SEPTIN9: variants seen among roughly 807,000 people sequenced by gnomAD.
The protein encoded by SEPTIN9 is septin 9.
A neutral mutation model predicts 56.6 loss-of-function variants in SEPTIN9; 13 were observed. That is an observed-to-expected ratio of 0.23 (90% CI 0.15 to 0.37). The LOEUF (loss-of-function observed/expected upper bound fraction) is 0.37. Ranked by LOEUF, SEPTIN9 falls within the 10% of genes least tolerant of loss-of-function variation. The pLI, the probability that SEPTIN9 is intolerant of heterozygous loss-of-function variation, is 1.00. For missense variants in SEPTIN9, 650 were observed against 823.1 expected (o/e 0.79, Z 2.57); for synonymous variants, 332 against 334.1 (o/e 0.99, Z 0.07).
rs1372142072 is a variant in SEPTIN9, at chr17:77,451,538, G to C, written c.722-30606G>C. 18 of 985,554 alleles carry C rather than the reference G, an allele frequency of 1.8e-5. No homozygotes were observed. Among genetic ancestry groups the C allele is most frequent in the Non-Finnish European group, 2.0e-5 (17 of 830,128 alleles). The allele number at this position is 985,554 out of a possible 1,614,324, so 61.1% of individuals were successfully genotyped here. On this transcript the variant is annotated intron_variant, in intron 3 of 11. Coordinates refer to ENST00000427177, the MANE Select transcript of SEPTIN9 (RefSeq NM_001113491.2). The surrounding 1 kb of genome is among the most constrained non-coding windows in gnomAD (Gnocchi z 4.2). ...ACGTTCCGCTGCTGGGGTGAGTCCT[G>C]CTCCTTTGTTCTTCCCAGCCTTGCA... is the stretch of plus-strand genomic sequence containing the variant.
Position 77,370,613 on chromosome 17 carries a change from CTTTT to C in SEPTIN9, c.77-31445_77-31442del, listed in dbSNP as rs771836505. ...CCAGGCCTGCAGTCGGTCTTGCCTT[CTTTT>C]GTGACCGTGGAAGAATGCACCTTGC... On this transcript the variant is annotated intron_variant, in intron 2 of 11. Transcript: ENST00000427177. Among the ~76,000 whole-genome samples, 5 of 152,350 alleles carry C rather than the reference CTTTT, an allele frequency of 3.3e-5. No individual in the cohort carries two copies. In the East Asian group the frequency reaches 9.6e-4, roughly 29 times the overall value.
chr17:77,308,921 G>T (rs868683260), intron 2 of SEPTIN9, among the ~76,000 whole-genome samples: 5 of 152,264 alleles, frequency 3.3e-5, no homozygotes, highest in African/African-American at 1.2e-4. Flanking sequence ...GAAGAGGGGG[G>T]TGATGCTCTG....
intron 2 of SEPTIN9, among the ~76,000 whole-genome samples, chr17:77,311,923 C>G (rs912717710): frequency 3.3e-5 from 5 of 152,008 alleles, no homozygotes; most frequent in Admixed American, 2.6e-4. Flanking sequence ...CCATAGCTAC[C>G]CACTCTTCCT....
chr17:77,298,551 C>G (rs901565270), intron 1 of SEPTIN9, among the ~76,000 whole-genome samples: 1 of 152,272 alleles, frequency 6.6e-6, no homozygotes, highest in Middle Eastern at 3.4e-3. Flanking sequence ...ATGGGAAAAC[C>G]CTACATGGGA....
At position 77,445,525 on chromosome 17, in the gene SEPTIN9, CGTGT is replaced by C. The variant is rs139208809; in HGVS notation, c.722-36607_722-36604del. 14 of 403,544 alleles carry C rather than the reference CGTGT, an allele frequency of 3.5e-5. No homozygotes were observed. The highest frequency in any genetic ancestry group is 3.6e-4 in the Middle Eastern group (1 of 2,772). 25.0% of individuals were successfully genotyped at this position (403,544 alleles called of 1,614,324 possible). On this transcript the variant is annotated intron_variant, in intron 3 of 11. Coordinates refer to ENST00000427177, the MANE Select transcript of SEPTIN9 (RefSeq NM_001113491.2). This position sits in a 1 kb window ranked among gnomAD's most constrained non-coding sequence, Gnocchi z 4.7. ...GGGGGTTGGTGCATGTGTGCACGCA[CGTGT>C]GTGTGTGTGTGCGTGCGTGCTGGGT...
At chr17:77,384,794 G>A (rs139718957) in intron 2 of SEPTIN9, among the ~76,000 whole-genome samples, 18 of 151,482 alleles carry the variant, frequency 1.2e-4, no homozygotes, top group African/African-American at 4.1e-4. Flanking sequence ...GCCACATGGC[G>A]CCACATGGAG....
chr17:77,478,313 A>C (rs2039307171), intron 3 of SEPTIN9, among the ~76,000 whole-genome samples: 1 of 152,254 alleles, frequency 6.6e-6, no homozygotes, highest in South Asian at 2.1e-4. Context: ...TTGTGAACAC[A>C]CTGTGGCAAT....
chr17:77,320,398 C>T (rs572965032), intron 2 of SEPTIN9: 27 of 1,522,892 alleles, frequency 1.8e-5, no homozygotes, highest in East Asian at 1.1e-4. Flanking sequence ...GCCCTGGACT[C>T]GGGGCTTTAT....
intron 2 of SEPTIN9, among the ~76,000 whole-genome samples, chr17:77,364,322 TTTTA>T (rs1299454441): frequency 6.6e-6 from 1 of 152,144 alleles, no homozygotes. Context: ...GTGCATGCAT[TTTTA>T]TTTATTTTTT....
At chr17:77,464,225 TG>T (rs973706951) in intron 3 of SEPTIN9, among the ~76,000 whole-genome samples, 3 of 152,048 alleles carry the variant, frequency 2.0e-5, no homozygotes, top group African/African-American at 7.2e-5. Context: ...ACAAGGTGCC[TG>T]CCACCACACG....
intron 1 of SEPTIN9, among the ~76,000 whole-genome samples, chr17:77,285,120 C>G (rs1307753337): frequency 6.6e-6 from 1 of 152,162 alleles, no homozygotes; most frequent in Non-Finnish European, 1.5e-5. Flanking sequence ...ATGATCTTCC[C>G]TTACTGTGGT....
intron 3 of SEPTIN9, among the ~76,000 whole-genome samples, chr17:77,460,841 A>C (rs1255989871): frequency 6.6e-6 from 1 of 152,182 alleles, no homozygotes; most frequent in Non-Finnish European, 1.5e-5. Context: ...CCTTCTGCCC[A>C]GAGACCTTGG....
intron 3 of SEPTIN9, among the ~76,000 whole-genome samples, chr17:77,461,684 T>C (rs977062055): frequency 1.3e-5 from 2 of 152,242 alleles, no homozygotes; most frequent in Non-Finnish European, 1.5e-5. Context: ...ATTAGGGTCA[T>C]CCAGAGAAAC....
At position 77,402,203 on chromosome 17, in the gene SEPTIN9, C is replaced by G; in HGVS notation, c.221C>G (p.Ser74Trp). 6.2e-7 allele frequency: 1 copy of G among 1,613,670 alleles called. No homozygotes were observed. The highest frequency in any genetic ancestry group is 8.5e-7 in the Non-Finnish European group (1 of 1,179,878). ...QDLGVKNSEP[S>W]ARHVDSLSQR... Reference sequence around the variant, plus strand: ...CTGGGCGTGAAGAACTCAGAACCCTCGGCCCGCCATGTGGACTCCCTAAGC... The same window carrying G: ...CTGGGCGTGAAGAACTCAGAACCCTGGGCCCGCCATGTGGACTCCCTAAGC... The change falls in exon 3 of 12, where the codon TCG becomes TGG. Residue 74 changes from serine (S) to tryptophan (W), a missense_variant. By Grantham distance (177) the Ser-to-Trp change is radical. This residue lies in a region of SEPTIN9 where 317 missense variants were observed against 329.1 expected (regional missense o/e 0.96). Coordinates refer to ENST00000427177, the MANE Select transcript of SEPTIN9 (RefSeq NM_001113491.2). This position sits in a 1 kb window ranked among gnomAD's most constrained non-coding sequence, Gnocchi z 6.6.
At chr17:77,481,906 G>A in intron 3 of SEPTIN9, 2 of 578,286 alleles carry the variant, frequency 3.5e-6, no homozygotes, top group Non-Finnish European at 6.2e-6. Context: ...TTGGGAGTCT[G>A]GGGATGGAGC....
At chr17:77,378,974 C>G in intron 2 of SEPTIN9, among the ~76,000 whole-genome samples, 1 of 152,168 alleles carries the variant, frequency 6.6e-6, no homozygotes, top group Non-Finnish European at 1.5e-5. Flanking sequence ...AGCCTGCGTT[C>G]GGCTCTGCAG....
intron 1 of SEPTIN9, among the ~76,000 whole-genome samples, chr17:77,287,738 C>T (rs1486372334): frequency 1.3e-5 from 2 of 152,238 alleles, no homozygotes; most frequent in African/African-American, 2.4e-5. Context: ...GCACTGCTTG[C>T]CAATGGCCTC....
chr17:77,372,544 C>G (rs567568724), intron 2 of SEPTIN9, among the ~76,000 whole-genome samples: 12 of 152,348 alleles, frequency 7.9e-5, no homozygotes, highest in African/African-American at 2.6e-4. Flanking sequence ...CCTTCGGAAA[C>G]GTCTGCTCCT....
At chr17:77,348,840 A>G (rs556978175) in intron 2 of SEPTIN9, among the ~76,000 whole-genome samples, 108 of 152,220 alleles carry the variant, frequency 7.1e-4, no homozygotes, top group Non-Finnish European at 1.2e-3. Flanking sequence ...TACAATAAGG[A>G]AATTTTTGCT....
Sources: gnomAD v4.1 joint callset for allele counts (sites outside exome capture counted in the v4.1 genomes callset) on GRCh38, gnomAD v4.1.1 for gene constraint, gnomAD v4.1.1 regional missense constraint, Gnocchi (gnomAD v3.1) non-coding constraint, MANE v1.5 for transcripts, NCBI Gene and HGNC (gene_info 2026-07-23, HGNC 2026-07-21) for gene names.